Variants in VWA8 observed in about 807,000 individuals in gnomAD.
VWA8 encodes the protein von Willebrand factor A domain-containing protein 8.
Under a neutral mutation model 241.5 loss-of-function variants are expected in VWA8, and 221 were observed. The observed-to-expected ratio is 0.91, with a 90% CI of 0.82 to 1.02. The LOEUF is 1.02. VWA8 is among the 50% of genes least tolerant of loss of function. The pLI is 0.00. For missense variants in VWA8, 2,322 were observed against 2,328.7 expected, an observed-to-expected ratio of 1.00 and a Z score of 0.06; for synonymous variants, 852 against 827.1, an observed-to-expected ratio of 1.03 and a Z score of -0.52.
At chr13:41,905,846 C>G (rs1390287837) in intron 4 of VWA8, among the ~76,000 whole-genome samples, 2 of 152,086 alleles carry the variant, frequency 1.3e-5, no homozygotes, top group African/African-American at 4.8e-5. Flanking sequence ...GCATTCACAT[C>G]ATGATAATTC....
intron 26 of VWA8, among the ~76,000 whole-genome samples, chr13:41,715,324 G>A (rs1163267597): frequency 6.6e-6 from 1 of 151,664 alleles, no homozygotes; most frequent in African/African-American, 2.4e-5. Context: ...ACATTTCATT[G>A]TTGATCTATG....
chr13:41,899,050 G>A (rs1245072988), intron 4 of VWA8, among the ~76,000 whole-genome samples: 1 of 152,248 alleles, frequency 6.6e-6, no homozygotes, highest in Non-Finnish European at 1.5e-5. Flanking sequence ...TGGGCTGAAG[G>A]ACTCCTCAAG....
At chr13:41,904,058 G>A (rs1236028260) in intron 4 of VWA8, among the ~76,000 whole-genome samples, 1 of 152,054 alleles carries the variant, frequency 6.6e-6, no homozygotes, top group East Asian at 1.9e-4. Flanking sequence ...GCCAAGGTAA[G>A]ACACTTAAAA....
At chr13:41,808,797 G>C (rs1202051581) in intron 17 of VWA8, among the ~76,000 whole-genome samples, 1 of 151,524 alleles carries the variant, frequency 6.6e-6, no homozygotes, top group Non-Finnish European at 1.5e-5. Context: ...ACTCAAACTG[G>C]AAAGGAAAAA....
intron 21 of VWA8, among the ~76,000 whole-genome samples, chr13:41,748,468 G>A (rs1429427173): frequency 4.6e-5 from 7 of 151,860 alleles, no homozygotes; most frequent in South Asian, 4.2e-4. Flanking sequence ...TTTTTATTGC[G>A]TCTATTTGAT....
intron 4 of VWA8, among the ~76,000 whole-genome samples, chr13:41,893,003 C>T (rs1221390266): frequency 6.6e-6 from 1 of 152,220 alleles, no homozygotes; most frequent in African/African-American, 2.4e-5. Context: ...TCTCCTTCTA[C>T]ACATGTACAT....
chr13:41,887,834 T>C (rs1397153319), intron 5 of VWA8, among the ~76,000 whole-genome samples: 2 of 152,254 alleles, frequency 1.3e-5, no homozygotes, highest in Non-Finnish European at 2.9e-5. Flanking sequence ...TACTATGTGG[T>C]AAGCACATTC....
chr13:41,742,285 T>C (rs1165531844), intron 21 of VWA8, among the ~76,000 whole-genome samples: 2 of 152,210 alleles, frequency 1.3e-5, no homozygotes, highest in Non-Finnish European at 2.9e-5. Flanking sequence ...ATCACATTCA[T>C]TCATTTGTTT....
chr13:41,653,579 CA>C (rs1271478235), intron 37 of VWA8, among the ~76,000 whole-genome samples: 1 of 151,798 alleles, frequency 6.6e-6, no homozygotes, highest in Admixed American at 6.6e-5. Flanking sequence ...CATATGGAAC[CA>C]AAAAAAGAGC....
Position 41,891,577 on chromosome 13 carries a change from C to G in VWA8, c.494G>C (p.Arg165Pro). 1 of 1,613,846 alleles carries G rather than the reference C, an allele frequency of 6.2e-7. No individual in the cohort carries two copies. Among genetic ancestry groups the G allele is most frequent in the Non-Finnish European group, 8.5e-7 (1 of 1,179,920 alleles). The part of the protein sequence containing the change: ...TAFYIDQCAV[R>P]AATEGRTLIL... ...GAGAGTTCTGCCTTCTGTGGCTGCA[C>G]GAACTGCACACTATTTCCAAGAAAC... Residue 165 changes from arginine to proline, a missense_variant, in exon 5 of 45, where the codon CGT becomes CCT. Arg to Pro is a moderately radical substitution (Grantham distance 103). Transcript: ENST00000379310.
intron 2 of VWA8, among the ~76,000 whole-genome samples, chr13:41,919,880 G>A (rs1248536116): frequency 1.3e-5 from 2 of 152,100 alleles, no homozygotes; most frequent in East Asian, 1.9e-4. Context: ...TTAGGGCCAA[G>A]CTGATACGGC....
At chr13:41,631,938 A>T (rs2044729468) in intron 37 of VWA8, among the ~76,000 whole-genome samples, 1 of 152,150 alleles carries the variant, frequency 6.6e-6, no homozygotes, top group Admixed American at 6.5e-5. Flanking sequence ...CGCTAATTAG[A>T]TTGAGAGACA....
In VWA8 at chr13:41,830,529, C is replaced by G. The variant is rs145075481; in HGVS notation, c.1700G>C (p.Arg567Thr). The G allele has an allele frequency of 3.5e-5, 56 of 1,611,678 alleles. No individual in the cohort carries two copies. Among genetic ancestry groups the G allele is most frequent in the Non-Finnish European group, 4.6e-5 (54 of 1,178,710 alleles). ...LQLSDEQLQKRSIFPIHPSFR... is the reference protein window; with the variant it reads ...LQLSDEQLQKTSIFPIHPSFR... Reference sequence around the variant, plus strand: ...ATGGGAGTAATGGACCCCAAATTACCTCTTCTGTAGCTGTTCATCAGACAG... The same window carrying G: ...ATGGGAGTAATGGACCCCAAATTACGTCTTCTGTAGCTGTTCATCAGACAG... The change falls in exon 14 of 45, where the codon AGA (arginine) becomes ACA (threonine). Residue 567 changes from arginine (R) to threonine (T), a missense_variant and splice_region_variant. Arg to Thr is a moderately conservative substitution (Grantham distance 71). Coordinates refer to ENST00000379310, the MANE Select transcript of VWA8 (RefSeq NM_015058.2).
intron 12 of VWA8, among the ~76,000 whole-genome samples, chr13:41,844,957 A>T (rs947816941): frequency 2.0e-4 from 30 of 152,204 alleles, no homozygotes; most frequent in Admixed American, 1.3e-4. Flanking sequence ...AAATATTGTT[A>T]AAATGACCAT....
chr13:41,877,696 A>G (rs935010686), intron 9 of VWA8, among the ~76,000 whole-genome samples: 3 of 152,118 alleles, frequency 2.0e-5, no homozygotes, highest in Non-Finnish European at 4.4e-5. Context: ...GAACTTACCA[A>G]TTTAACCACT....
chr13:41,709,989 A>G (rs1196574535), intron 26 of VWA8, among the ~76,000 whole-genome samples: 3 of 152,016 alleles, frequency 2.0e-5, no homozygotes, highest in Admixed American at 6.6e-5. Flanking sequence ...ATTAATTGTG[A>G]TCGCTTCAAA....
intron 20 of VWA8, among the ~76,000 whole-genome samples, chr13:41,771,193 G>A (rs2045820528): frequency 6.6e-6 from 1 of 152,056 alleles, no homozygotes; most frequent in African/African-American, 2.4e-5. Flanking sequence ...TGTGATCTCG[G>A]CTCACTGCAA....
intron 26 of VWA8, among the ~76,000 whole-genome samples, chr13:41,718,821 C>T (rs1242245178): frequency 1.3e-5 from 2 of 151,450 alleles, no homozygotes; most frequent in Admixed American, 1.3e-4. Context: ...CCTTTTGGGG[C>T]TAAAATTGAA....
chr13:41,832,448 G>A (rs1281633057), intron 13 of VWA8, among the ~76,000 whole-genome samples: 1 of 152,066 alleles, frequency 6.6e-6, no homozygotes, highest in African/African-American at 2.4e-5. Flanking sequence ...TCTATGGAAC[G>A]TTTATGGTAA....
Sources: allele counts gnomAD v4.1 joint callset (sites outside exome capture counted in the v4.1 genomes callset), GRCh38; gene constraint gnomAD v4.1.1; transcripts MANE v1.5; gene names NCBI Gene and HGNC (gene_info 2026-07-23, HGNC 2026-07-21).